Variants in RPH3A observed in about 807,000 individuals in gnomAD.
RPH3A encodes rabphilin 3A.
RPH3A carries 48 observed loss-of-function variants against 102.2 expected under a neutral mutation model. The ratio of observed to expected loss-of-function variants is 0.47; its 90% CI spans 0.37 to 0.60. The LOEUF (loss-of-function observed/expected upper bound fraction) is 0.60, where lower values mean the gene tolerates loss of function less well. Ranked by LOEUF, RPH3A falls within the 20% of genes least tolerant of loss-of-function variation. The pLI is 0.00. For missense variants in RPH3A, 781 were observed against 910.1 expected (o/e 0.86, Z 1.83); for synonymous variants, 310 against 324.3 (o/e 0.96, Z 0.47).
intron 2 of RPH3A, among the ~76,000 whole-genome samples, chr12:112,794,565 T>C (rs997805010): frequency 6.6e-6 from 1 of 152,134 alleles, no homozygotes; most frequent in Non-Finnish European, 1.5e-5. Flanking sequence ...AAGAGACTCT[T>C]CTCAGGAGTA....
chr12:112,888,540 G>C (rs968734126), intron 17 of RPH3A, among the ~76,000 whole-genome samples: 1 of 152,168 alleles, frequency 6.6e-6, no homozygotes, highest in Non-Finnish European at 1.5e-5. Context: ...TGCCACTTAG[G>C]GTATAACCTG....
At chr12:112,776,555 G>A (rs2040966949) in intron 1 of RPH3A, among the ~76,000 whole-genome samples, 1 of 152,044 alleles carries the variant, frequency 6.6e-6, no homozygotes, top group Non-Finnish European at 1.5e-5. Context: ...AGGGATGAGA[G>A]AGAGAGAGAA....
At chr12:112,588,018 C>G (rs536142305) in intron 1 of RPH3A, among the ~76,000 whole-genome samples, 1 of 152,226 alleles carries the variant, frequency 6.6e-6, no homozygotes, top group East Asian at 1.9e-4. Context: ...TCTGTGTTTC[C>G]TGCTCATGCT....
chr12:112,745,104 T>C (rs1279805628), intron 1 of RPH3A, among the ~76,000 whole-genome samples: 2 of 152,212 alleles, frequency 1.3e-5, no homozygotes, highest in Non-Finnish European at 2.9e-5. Flanking sequence ...TGGCCTTTCT[T>C]TGTTTCTTGA....
chr12:112,888,008 G>T, intron 17 of RPH3A, 85 bp downstream of exon 17: 1 of 1,489,680 alleles, frequency 6.7e-7, no homozygotes, highest in Non-Finnish European at 9.2e-7. Flanking sequence ...GGGGGAAATA[G>T]ATCCACGGGG....
chr12:112,615,892 G>A (rs541227665), intron 1 of RPH3A, among the ~76,000 whole-genome samples: 11 of 152,156 alleles, frequency 7.2e-5, no homozygotes, highest in Middle Eastern at 6.8e-3. Flanking sequence ...TTAGAATGAC[G>A]CCTGGCAGCT....
intron 1 of RPH3A, among the ~76,000 whole-genome samples, chr12:112,728,181 A>G (rs2040608519): frequency 6.6e-6 from 1 of 152,120 alleles, no homozygotes; most frequent in South Asian, 2.1e-4. Context: ...CTATGCTGGG[A>G]ACAAAAGGTG....
intron 1 of RPH3A, among the ~76,000 whole-genome samples, chr12:112,744,703 C>T (rs908121305): frequency 6.6e-6 from 1 of 152,108 alleles, no homozygotes; most frequent in African/African-American, 2.4e-5. Flanking sequence ...AACTGAGGCT[C>T]AGAGAGTCAA....
intron 1 of RPH3A, among the ~76,000 whole-genome samples, chr12:112,615,214 T>C (rs1403637406): frequency 6.6e-6 from 1 of 152,226 alleles, no homozygotes; most frequent in Admixed American, 6.5e-5. Context: ...CTGTGCTATT[T>C]TTTTTTCTGT....
intron 1 of RPH3A, among the ~76,000 whole-genome samples, chr12:112,769,147 A>G (rs1162423353): frequency 6.6e-6 from 1 of 152,212 alleles, no homozygotes; most frequent in Non-Finnish European, 1.5e-5. Flanking sequence ...AATAAATGTT[A>G]GCTGTTATGA....
intron 2 of RPH3A, among the ~76,000 whole-genome samples, chr12:112,801,230 A>AAAGAACCAGC (rs1209977318): frequency 6.6e-6 from 1 of 152,168 alleles, no homozygotes; most frequent in African/African-American, 2.4e-5. Context: ...CCCATTCAAA[A>AAAGAACCAGC]AAGAACCAGC....
chr12:112,795,494 C>T (rs1303831078), intron 2 of RPH3A, among the ~76,000 whole-genome samples: 2 of 152,184 alleles, frequency 1.3e-5, no homozygotes, highest in African/African-American at 4.8e-5. Flanking sequence ...CCCCTTCTTT[C>T]TGTGCCTCAC....
intron 2 of RPH3A, among the ~76,000 whole-genome samples, chr12:112,792,700 AC>A (rs1343943163): frequency 6.6e-6 from 1 of 152,172 alleles, no homozygotes; most frequent in Non-Finnish European, 1.5e-5. Flanking sequence ...TGGAAGGGTA[AC>A]TTTTGCCTGG....
intron 1 of RPH3A, among the ~76,000 whole-genome samples, chr12:112,687,244 G>A (rs946140133): frequency 6.6e-6 from 1 of 152,214 alleles, no homozygotes; most frequent in East Asian, 1.9e-4. Flanking sequence ...TATTGGTTCA[G>A]CTTTTCAATG....
chr12:112,727,989 A>G (rs1419199881), intron 1 of RPH3A, among the ~76,000 whole-genome samples: 1 of 152,196 alleles, frequency 6.6e-6, no homozygotes, highest in Non-Finnish European at 1.5e-5. Flanking sequence ...TGAATATGTA[A>G]AGTAGACCTA....
chr12:112,709,348 G>T (rs1003969746), intron 1 of RPH3A, among the ~76,000 whole-genome samples: 1 of 152,110 alleles, frequency 6.6e-6, no homozygotes, highest in African/African-American at 2.4e-5. Flanking sequence ...CCAGGAGTTT[G>T]AGACCAGCCT....
intron 2 of RPH3A, among the ~76,000 whole-genome samples, chr12:112,795,892 G>A (rs943868474): frequency 3.3e-5 from 5 of 152,242 alleles, no homozygotes; most frequent in Non-Finnish European, 5.9e-5. Flanking sequence ...TCGGGGCGAT[G>A]TTGGTGATGG....
intron 1 of RPH3A, among the ~76,000 whole-genome samples, chr12:112,659,289 A>G (rs1366009400): frequency 1.3e-5 from 2 of 152,174 alleles, no homozygotes; most frequent in Non-Finnish European, 2.9e-5. Context: ...ATCAGGCATC[A>G]CATTTACTTG....
intron 1 of RPH3A, among the ~76,000 whole-genome samples, chr12:112,704,604 A>G (rs1197155912): frequency 6.6e-6 from 1 of 152,162 alleles, no homozygotes; most frequent in South Asian, 2.1e-4. Context: ...GGCTACCATC[A>G]TCTCTTTCTT....
Sources: gnomAD v4.1 joint callset for allele counts (sites outside exome capture counted in the v4.1 genomes callset) on GRCh38, gnomAD v4.1.1 for gene constraint, MANE v1.5 for transcripts, NCBI Gene and HGNC (gene_info 2026-07-23, HGNC 2026-07-21) for gene names.